MYO3B: variants seen among roughly 807,000 people sequenced by gnomAD.
The protein encoded by MYO3B is myosin-IIIb.
Under a neutral mutation model 174.6 loss-of-function variants are expected in MYO3B, and 156 were observed. The ratio of observed to expected loss-of-function variants is 0.89; its 90% CI spans 0.78 to 1.02. The LOEUF is 1.02. Ranked by LOEUF, MYO3B falls within the 50% of genes least tolerant of loss-of-function variation. MYO3B has a pLI of 0.00. For missense variants in MYO3B, 1,632 were observed against 1,639.4 expected (o/e 1.00, Z 0.08); for synonymous variants, 563 against 569.1 (o/e 0.99, Z 0.15).
intron 7 of MYO3B, among the ~76,000 whole-genome samples, chr2:170,271,948 G>T (rs2093428036): frequency 6.6e-6 from 1 of 152,062 alleles, no homozygotes; most frequent in Non-Finnish European, 1.5e-5. Context: ...ATATAATAAT[G>T]TGAAAATAGC....
chr2:170,442,677 G>A (rs1174026680), intron 22 of MYO3B, among the ~76,000 whole-genome samples: 1 of 151,886 alleles, frequency 6.6e-6, no homozygotes, highest in Non-Finnish European at 1.5e-5. Context: ...GACAGGTCCT[G>A]GTGTGTGATG....
At chr2:170,540,594 T>C (rs79745999) in intron 30 of MYO3B, among the ~76,000 whole-genome samples, 1,902 of 152,092 alleles carry the variant, frequency 0.013, 53 homozygotes, top group East Asian at 0.089. Flanking sequence ...TTGTGCTTTT[T>C]CTTATTTTGG....
chr2:170,214,885 A>G, intron 5 of MYO3B, 57 bp downstream of exon 5: 2 of 1,286,362 alleles, frequency 1.6e-6, no homozygotes, highest in Non-Finnish European at 1.1e-6. Context: ...AAAGGGGACA[A>G]TTTATTGCAA....
chr2:170,516,560 G>A (rs1017741803), intron 29 of MYO3B, among the ~76,000 whole-genome samples: 3 of 150,892 alleles, frequency 2.0e-5, no homozygotes, highest in African/African-American at 4.9e-5. Flanking sequence ...GGAGAATGGT[G>A]TGAACCCGTG....
At chr2:170,528,616 G>A (rs1196158903) in intron 30 of MYO3B, among the ~76,000 whole-genome samples, 6 of 152,108 alleles carry the variant, frequency 3.9e-5, no homozygotes, top group Non-Finnish European at 7.4e-5. Context: ...ATGTTGGCCA[G>A]GATGGTCTCA....
At chr2:170,572,570 G>A (rs576042195) in intron 32 of MYO3B, among the ~76,000 whole-genome samples, 14 of 147,916 alleles carry the variant, frequency 9.5e-5, no homozygotes, top group Admixed American at 7.5e-4. Context: ...AGCCATGATT[G>A]CACCACTGCA....
At chr2:170,541,740 G>A (rs1022110599) in intron 30 of MYO3B, among the ~76,000 whole-genome samples, 1 of 152,088 alleles carries the variant, frequency 6.6e-6, no homozygotes, top group Non-Finnish European at 1.5e-5. Context: ...GCACTGGGTA[G>A]GTGCTTACAC....
At chr2:170,251,375 A>G (rs2093251729) in intron 7 of MYO3B, among the ~76,000 whole-genome samples, 3 of 152,130 alleles carry the variant, frequency 2.0e-5, no homozygotes, top group Admixed American at 1.3e-4. Flanking sequence ...TGATTGCAAA[A>G]TGCACCATTT....
At chr2:170,262,654 C>T (rs147255844) in intron 7 of MYO3B, among the ~76,000 whole-genome samples, 219 of 152,226 alleles carry the variant, frequency 1.4e-3, no homozygotes, top group African/African-American at 4.8e-3. Context: ...TCCTTGTCCA[C>T]GTTTGGGTAG....
intron 1 of MYO3B, among the ~76,000 whole-genome samples, chr2:170,190,484 G>C (rs1046085779): frequency 2.0e-5 from 3 of 152,120 alleles, no homozygotes; most frequent in African/African-American, 7.2e-5. Context: ...ATGATGTCTG[G>C]AAGCCAGGGC....
chr2:170,453,775 T>C (rs1018259228), intron 23 of MYO3B, among the ~76,000 whole-genome samples: 1 of 152,162 alleles, frequency 6.6e-6, no homozygotes, highest in Non-Finnish European at 1.5e-5. Context: ...AAAATACCCG[T>C]AACAAAACAG....
chr2:170,372,209 T>C (rs2094254588), intron 9 of MYO3B, among the ~76,000 whole-genome samples: 1 of 149,932 alleles, frequency 6.7e-6, no homozygotes, highest in South Asian at 2.1e-4. Context: ...AGCCACTAAC[T>C]GGATAAGTTT....
intron 32 of MYO3B, among the ~76,000 whole-genome samples, chr2:170,582,989 T>C (rs1361076746): frequency 2.6e-5 from 4 of 151,982 alleles, no homozygotes; most frequent in Non-Finnish European, 4.4e-5. Context: ...AGCCTTGGAC[T>C]CTCTGGCTGC....
chr2:170,441,504 A>G (rs1278099962), intron 22 of MYO3B, among the ~76,000 whole-genome samples: 1 of 152,278 alleles, frequency 6.6e-6, no homozygotes, highest in African/African-American at 2.4e-5. Context: ...AAGCAAGTTC[A>G]TTAGGAAACT....
At chr2:170,211,804 G>A (rs1258728870) in intron 3 of MYO3B, among the ~76,000 whole-genome samples, 1 of 152,164 alleles carries the variant, frequency 6.6e-6, no homozygotes, top group Non-Finnish European at 1.5e-5. Flanking sequence ...TTTGCTGTTG[G>A]CCATACAGGA....
chr2:170,512,185 T>C (rs778220269), intron 28 of MYO3B, among the ~76,000 whole-genome samples: 6 of 152,164 alleles, frequency 3.9e-5, no homozygotes, highest in African/African-American at 7.2e-5. Context: ...TAGACTTGTT[T>C]TGTGTGGTAG....
chr2:170,613,018 A>G (rs1432784948), intron 32 of MYO3B, among the ~76,000 whole-genome samples: 1 of 152,110 alleles, frequency 6.6e-6, no homozygotes, highest in Admixed American at 6.5e-5. Flanking sequence ...TAGGGTGTGG[A>G]CTGGCCATCC....
chr2:170,374,723 C>T (rs2094276024), intron 9 of MYO3B, among the ~76,000 whole-genome samples: 1 of 149,788 alleles, frequency 6.7e-6, no homozygotes, highest in African/African-American at 2.5e-5. Flanking sequence ...TGATTCATCC[C>T]TATTTCACTC....
chr2:170,217,479 G>A (rs2092843384), intron 6 of MYO3B, 84 bp downstream of exon 6: 2 of 1,204,596 alleles, frequency 1.7e-6, no homozygotes, highest in Non-Finnish European at 1.2e-6. Flanking sequence ...CATATGCTTT[G>A]CAGAATTTTT....
Sources: gnomAD v4.1 joint callset for allele counts (sites outside exome capture counted in the v4.1 genomes callset) on GRCh38, gnomAD v4.1.1 for gene constraint, MANE v1.5 for transcripts, NCBI Gene and HGNC (gene_info 2026-07-23, HGNC 2026-07-21) for gene names.